UBQLN4: variants seen among roughly 807,000 people sequenced by gnomAD.
UBQLN4 encodes ubiquilin 4.
Under a neutral mutation model 60.4 loss-of-function variants are expected in UBQLN4, and 11 were observed. That is an observed-to-expected ratio of 0.18 (90% CI 0.11 to 0.30). The LOEUF (loss-of-function observed/expected upper bound fraction) is 0.30, where lower values mean the gene tolerates loss of function less well. Ranked by LOEUF, UBQLN4 falls within the 10% of genes least tolerant of loss-of-function variation. The pLI is 1.00. For missense variants in UBQLN4, 417 were observed against 795.5 expected, an observed-to-expected ratio of 0.52 and a Z score of 5.72; for synonymous variants, 258 against 313.1, an observed-to-expected ratio of 0.82 and a Z score of 1.86.
At chr1:156,053,567 C>G in intron 1 of UBQLN4, 27 bp downstream of exon 1, 390 of 852,582 alleles carry the variant, frequency 4.6e-4, no homozygotes, top group Non-Finnish European at 5.5e-4. Context: ...CCTCCGCGCT[C>G]CCCCCGCCCC....
chr1:156,047,957 T>A (rs1212755466), intron 5 of UBQLN4, among the ~76,000 whole-genome samples: 1 of 150,672 alleles, frequency 6.6e-6, no homozygotes, highest in South Asian at 2.1e-4. Flanking sequence ...TATGGCAACA[T>A]GTTAGGGCAA....
chr1:156,041,943 G>C lies in UBQLN4; in HGVS notation c.1395C>G (p.Ala465=), dbSNP rs1407576809. 1.9e-6 allele frequency: 3 copies of C among 1,613,996 alleles called. No individual in the cohort carries two copies. The highest frequency in any genetic ancestry group is 2.5e-6 in the Non-Finnish European group (3 of 1,180,014). ...GCTGGATCTGCAGCAATGCCTGCAT[G>C]GCTCGGGGATTGGTAAGGATGGAGA... ...ESLSILTNPR[A]MQALLQIQQG... is the part of the protein sequence containing the mutation. The change falls in exon 9 of 11, where the codon GCC becomes GCG. Residue 465 remains alanine (A), a synonymous_variant. Coordinates refer to ENST00000368309, the MANE Select transcript of UBQLN4 (RefSeq NM_020131.5).
chr1:156,031,688 C>A (rs1683299985), downstream of UBQLN4, among the ~76,000 whole-genome samples: 1 of 151,480 alleles, frequency 6.6e-6, no homozygotes, highest in African/African-American at 2.4e-5. Context: ...AAGCAATTCT[C>A]CTGCCTCAGC....
intron 4 of UBQLN4, among the ~76,000 whole-genome samples, chr1:156,049,594 G>A (rs952243088): frequency 2.6e-5 from 4 of 152,082 alleles, no homozygotes; most frequent in African/African-American, 9.7e-5. Flanking sequence ...CTCTTGTTCC[G>A]TAATTCATTC....
intron 1 of UBQLN4, among the ~76,000 whole-genome samples, chr1:156,052,127 T>C (rs1683887727): frequency 6.6e-6 from 1 of 152,132 alleles, no homozygotes; most frequent in Non-Finnish European, 1.5e-5. Flanking sequence ...CCAGCTTCAG[T>C]CCCTCCACCT....
chr1:156,042,521 T>C, intron 7 of UBQLN4: 3 of 1,169,202 alleles, frequency 2.6e-6, no homozygotes, highest in Non-Finnish European at 3.5e-6. Context: ...ACACGCCATG[T>C]TCTAAGCACT....
Position 156,041,855 on chromosome 1 carries a change from T to C in UBQLN4, c.1466+17A>G, listed in dbSNP as rs776146402. 2 of 1,590,236 alleles carry C rather than the reference T, an allele frequency of 1.3e-6. No individual in the cohort carries two copies. The highest frequency in any genetic ancestry group is 1.7e-6 in the Non-Finnish European group (2 of 1,172,084). On this transcript the variant is annotated intron_variant, in intron 9 of 10. Coordinates refer to ENST00000368309, the MANE Select transcript of UBQLN4 (RefSeq NM_020131.5). ...AGTTGCTAGAACCTTGCTGCCCTCC[T>C]GCCCCCCTACCCTCACCTGGGTACC...
chr1:156,042,346 C>A, intron 7 of UBQLN4, 110 bp from the exon 8 acceptor site: 1 of 1,448,732 alleles, frequency 6.9e-7, no homozygotes, highest in Non-Finnish European at 9.1e-7. Context: ...ATCTGGCCAG[C>A]TTCTCCGGGG....
Position 156,036,934 on chromosome 1 carries a change from C to A in UBQLN4, c.*44G>T. The A allele has an allele frequency of 3.1e-6, 5 of 1,598,022 alleles. No individual in the cohort carries two copies. The highest frequency in any genetic ancestry group is 4.3e-6 in the Non-Finnish European group (5 of 1,172,454). ...TAAGGATTGACAGAAGAACCGAATG[C>A]TGACATCGAGGGAGGGGAGAGGCAG... On this transcript the variant is annotated 3_prime_UTR_variant, in exon 11 of 11. Coordinates refer to ENST00000368309, the MANE Select transcript of UBQLN4 (RefSeq NM_020131.5).
chr1:156,031,897 T>G (rs1276015337), downstream of UBQLN4, among the ~76,000 whole-genome samples: 2 of 152,130 alleles, frequency 1.3e-5, no homozygotes, highest in African/African-American at 2.4e-5. Flanking sequence ...ATATTTAAAG[T>G]GTACAATTTG....
At chr1:156,032,404 G>T (rs1042339019), downstream of UBQLN4, among the ~76,000 whole-genome samples, 23 of 151,426 alleles carry the variant, frequency 1.5e-4, no homozygotes, top group Non-Finnish European at 3.2e-4. Flanking sequence ...CCAGCTACTT[G>T]GGAGGGCGAG....
rs1398667544 is a variant in UBQLN4, at chr1:156,051,325, G to C, written c.263C>G (p.Ala88Gly). ...VHLVIKTPQK[A>G]QDPAAATASS... ...AGCAGTGGCAGCAGCTGGATCTTGA[G>C]CCCTGAGGACAGAGAAAGGAGAATC... The change falls in exon 3 of 11, where the codon GCT (alanine) becomes GGT (glycine). Residue 88 changes from alanine to glycine, a missense_variant and splice_region_variant. Ala to Gly is a moderately conservative substitution (Grantham distance 60). Coordinates refer to ENST00000368309, the MANE Select transcript of UBQLN4 (RefSeq NM_020131.5). 4.5e-6 allele frequency: 7 copies of C among 1,553,290 alleles called. No individual in the cohort carries two copies. Among genetic ancestry groups the C allele is most frequent in the Non-Finnish European group, 6.1e-6 (7 of 1,147,656 alleles).
chr1:156,051,555 TC>T, intron 2 of UBQLN4, 150 bp downstream of exon 2: 2 of 1,220,704 alleles, frequency 1.6e-6, no homozygotes, highest in East Asian at 5.0e-5. Flanking sequence ...TAAATCAGGT[TC>T]CCTTCCCCTA....
In UBQLN4 at chr1:156,035,747, G is replaced by A. The variant is rs1420948355; in HGVS notation, c.*1231C>T. On this transcript the variant is annotated 3_prime_UTR_variant, in exon 11 of 11. Transcript: ENST00000368309. ...GAAAGGGTACCCACATTACCTCTGGGTTACCCAGCATCCAGAGCCCCAAGG... is the reference window on the plus strand; with the variant it reads ...GAAAGGGTACCCACATTACCTCTGGATTACCCAGCATCCAGAGCCCCAAGG... 1 of 985,300 alleles carries A rather than the reference G, an allele frequency of 1.0e-6. No individual in the cohort carries two copies. The highest frequency in any genetic ancestry group is 1.7e-5 in the African/African-American group (1 of 57,168). The allele number at this position is 985,300 out of a possible 1,614,324, so 61.0% of individuals were successfully genotyped here. A position where few individuals can be genotyped will look rare whatever the true frequency, so the allele number is the denominator to read the frequency against.
downstream of UBQLN4, among the ~76,000 whole-genome samples, chr1:156,032,725 C>A (rs1297689141): frequency 1.3e-5 from 2 of 152,080 alleles, no homozygotes; most frequent in Non-Finnish European, 2.9e-5. Flanking sequence ...TGCTTCTCTG[C>A]GGCACTTCGC....
downstream of UBQLN4, among the ~76,000 whole-genome samples, chr1:156,031,311 A>C (rs1683293501): frequency 6.6e-6 from 1 of 152,204 alleles, no homozygotes; most frequent in Admixed American, 6.5e-5. Flanking sequence ...TTTACATCTC[A>C]TTTAACTATC....
At chr1:156,033,144 A>T, downstream of UBQLN4, 1 of 895,544 alleles carries the variant, frequency 1.1e-6, no homozygotes, top group Non-Finnish European at 1.3e-6. Flanking sequence ...CTGCTGCCAC[A>T]GGAAGCAGAA....
At position 156,035,842 on chromosome 1, in the gene UBQLN4, G is replaced by C. The variant is rs1195723734; in HGVS notation, c.*1136C>G. ...TTTACCCACTTGTCTCTGGTGGTGG[G>C]AGAGCACTCTGAACCAGAAACCAAC... On this transcript the variant is annotated 3_prime_UTR_variant, in exon 11 of 11. Coordinates refer to ENST00000368309, the MANE Select transcript of UBQLN4 (RefSeq NM_020131.5). 2 of 985,280 alleles carry C rather than the reference G, an allele frequency of 2.0e-6. No individual in the cohort carries two copies. The highest frequency in any genetic ancestry group is 2.4e-6 in the Non-Finnish European group (2 of 829,930). The allele number at this position is 985,280 out of a possible 1,614,324, so 61.0% of individuals were successfully genotyped here. A position where few individuals can be genotyped will look rare whatever the true frequency, so the allele number is the denominator to read the frequency against.
Position 156,035,539 on chromosome 1 carries a change from C to T in UBQLN4, c.*1439G>A, listed in dbSNP as rs1276472656. On this transcript the variant is annotated 3_prime_UTR_variant, in exon 11 of 11. Coordinates refer to ENST00000368309, the MANE Select transcript of UBQLN4 (RefSeq NM_020131.5). ...CCTCTGTGCTCTGACAGAGAAATGT[C>T]CAATTCCAGATCAAAGGCATCATTG... 6 of 985,390 alleles carry T rather than the reference C, an allele frequency of 6.1e-6. No individual in the cohort carries two copies. The highest frequency in any genetic ancestry group is 5.2e-4 in the Middle Eastern group (1 of 1,938). The allele number at this position is 985,390 out of a possible 1,614,324, so 61.0% of individuals were successfully genotyped here.
Sources: allele counts gnomAD v4.1 joint callset (sites outside exome capture counted in the v4.1 genomes callset), GRCh38; gene constraint gnomAD v4.1.1; transcripts MANE v1.5; gene names NCBI Gene and HGNC (gene_info 2026-07-23, HGNC 2026-07-21).